DOCK4: variants seen among roughly 807,000 people sequenced by gnomAD.
DOCK4 encodes the protein dedicator of cytokinesis protein 4.
Under a neutral mutation model 268.1 loss-of-function variants are expected in DOCK4, and 97 were observed. The observed-to-expected ratio is 0.36, with a 90% confidence interval of 0.31 to 0.43. The LOEUF is 0.43. DOCK4 is among the 20% of genes least tolerant of loss of function. The probability of loss-of-function intolerance (pLI) is 1.00; values close to 1 mark genes in which losing one functional copy is unlikely to be tolerated. For missense variants in DOCK4, 2,145 were observed against 2,455.7 expected (o/e 0.87, Z 2.67); for synonymous variants, 954 against 887.2 (o/e 1.08, Z -1.34).
chr7:111,808,776 G>A (rs778249854), intron 30 of DOCK4, 45 bp downstream of exon 30: 2 of 1,588,782 alleles, frequency 1.3e-6, no homozygotes, highest in South Asian at 1.1e-5. Flanking sequence ...TCAAGGTACA[G>A]CGAGGAGCTG....
chr7:112,204,875 A>G lies in DOCK4; in HGVS notation c.37+1227T>C, dbSNP rs1821245427. 3.8e-5 allele frequency among the ~76,000 whole-genome samples: 4 copies of G among 104,728 alleles called. No homozygotes were observed. In the South Asian group the frequency reaches 1.4e-3, roughly 37 times the overall value. 68.7% of individuals were successfully genotyped at this position (104,728 alleles called of 152,430 possible). On this transcript the variant is annotated intron_variant, in intron 1 of 52. Transcript: ENST00000428084. ...ACCTAAATCACTAGACCTGTCCTCA[A>G]TTTTAAAACACACACACACACACAC... is the stretch of plus-strand genomic sequence containing the variant.
At chr7:112,017,239 T>A (rs1801888707) in intron 1 of DOCK4, among the ~76,000 whole-genome samples, 1 of 152,184 alleles carries the variant, frequency 6.6e-6, no homozygotes, top group Admixed American at 6.5e-5. Flanking sequence ...CTTAACTGAT[T>A]TTAACTATTA....
intron 8 of DOCK4, among the ~76,000 whole-genome samples, chr7:111,961,100 T>C (rs1456395384): frequency 6.6e-6 from 1 of 152,100 alleles, no homozygotes; most frequent in South Asian, 2.1e-4. Context: ...CTTGCCTTCC[T>C]CCTACAACTC....
At chr7:111,924,913 T>C (rs946566656) in intron 12 of DOCK4, among the ~76,000 whole-genome samples, 13 of 152,224 alleles carry the variant, frequency 8.5e-5, no homozygotes, top group Non-Finnish European at 1.8e-4. Flanking sequence ...AGTACTTGCA[T>C]ACTTTGTATG....
intron 1 of DOCK4, among the ~76,000 whole-genome samples, chr7:112,058,053 TAGTAGAG>T (rs1806006937): frequency 1.5e-5 from 2 of 136,696 alleles, no homozygotes; most frequent in African/African-American, 5.4e-5. Context: ...TTTTTTTTAC[TAGTAGAG>T]TTTCACTAAT....
rs933272447 is a variant in DOCK4 at position 112,017,991 on chromosome 7, C to T, written c.38-13860G>A. Among the ~76,000 whole-genome samples, 17 of 151,726 alleles carry T rather than the reference C, an allele frequency of 1.1e-4. No individual in the cohort carries two copies. The East Asian group carries it at 2.9e-3, about 26-fold the overall frequency. On this transcript the variant is annotated intron_variant, in intron 1 of 52. Coordinates refer to ENST00000428084, the MANE Select transcript of DOCK4 (RefSeq NM_001363540.2). ...CACGAGGTCAGGAGAGCGAGACCAT[C>T]CTGGCTAACACGGTGAAACCCCGTC...
intron 8 of DOCK4, among the ~76,000 whole-genome samples, chr7:111,957,987 G>A (rs970769990): frequency 6.6e-6 from 1 of 152,266 alleles, no homozygotes; most frequent in South Asian, 2.1e-4. Context: ...AGGGCTGAGA[G>A]CACAGTTCTT....
chr7:111,795,129 T>C (rs1171832316), intron 30 of DOCK4, among the ~76,000 whole-genome samples: 1 of 152,148 alleles, frequency 6.6e-6, no homozygotes, highest in Non-Finnish European at 1.5e-5. Flanking sequence ...GTCCTCACTC[T>C]ACTGCCCCAG....
At chr7:111,748,839 AC>A (rs2133493625) in intron 42 of DOCK4, among the ~76,000 whole-genome samples, 1 of 152,306 alleles carries the variant, frequency 6.6e-6, no homozygotes, top group Non-Finnish European at 1.5e-5. Context: ...ATGTCCATTG[AC>A]AAGAGAATAA....
chr7:111,771,452 G>T (rs139251484), intron 36 of DOCK4, among the ~76,000 whole-genome samples: 4 of 152,188 alleles, frequency 2.6e-5, no homozygotes, highest in Non-Finnish European at 4.4e-5. Context: ...TTCTTAATGG[G>T]ATTGAACGTG....
chr7:111,728,863 G>A, intron 52 of DOCK4, 143 bp from the exon 53 acceptor site: 3 of 736,594 alleles, frequency 4.1e-6, no homozygotes, highest in Non-Finnish European at 6.5e-6. Context: ...CCTTTAAGGA[G>A]GTGATTAAGG....
At chr7:111,875,999 G>A (rs1806831652) in intron 17 of DOCK4, among the ~76,000 whole-genome samples, 1 of 152,098 alleles carries the variant, frequency 6.6e-6, no homozygotes, top group South Asian at 2.1e-4. Flanking sequence ...AAAAATTTCT[G>A]TTTAAGGATC....
In DOCK4 at chr7:112,206,164, G is replaced by T; in HGVS notation, c.-26C>A. On this transcript the variant is annotated 5_prime_UTR_variant, in exon 1 of 53. In the 5' UTR this introduces an upstream ATG that the reference lacks. Coordinates refer to ENST00000428084, the MANE Select transcript of DOCK4 (RefSeq NM_001363540.2). ...GGCTAAAGGGGCTCCGGGGTCTTCA[G>T]GCTTTGTAATCCCCGCGCCCCTTCT... 6.4e-7 allele frequency: 1 copy of T among 1,568,130 alleles called. No individual in the cohort carries two copies. The highest frequency in any genetic ancestry group is 1.2e-5 in the South Asian group (1 of 85,426).
intron 36 of DOCK4, among the ~76,000 whole-genome samples, chr7:111,770,580 C>T (rs183753992): frequency 3.2e-4 from 48 of 152,208 alleles, no homozygotes; most frequent in African/African-American, 1.2e-3. Flanking sequence ...CTCTCCTTTT[C>T]CTGAATTGTA....
At chr7:111,806,072 C>T (rs1418123260) in intron 30 of DOCK4, among the ~76,000 whole-genome samples, 4 of 151,960 alleles carry the variant, frequency 2.6e-5, no homozygotes, top group African/African-American at 9.7e-5. Context: ...TTTCTTATGT[C>T]CTCCAAAATA....
chr7:111,863,003 A>T (rs1805676370), intron 23 of DOCK4: 1 of 225,016 alleles, frequency 4.4e-6, no homozygotes, highest in Non-Finnish European at 8.9e-6. Context: ...TCTTGGGGTA[A>T]AGTAAAAAAC....
At chr7:112,107,371 T>C (rs982633748) in intron 1 of DOCK4, among the ~76,000 whole-genome samples, 2 of 152,114 alleles carry the variant, frequency 1.3e-5, no homozygotes, top group African/African-American at 2.4e-5. Flanking sequence ...GGTGTCCTTC[T>C]AAGAAGAGGA....
chr7:112,070,189 T>C (rs910927555), intron 1 of DOCK4, among the ~76,000 whole-genome samples: 1 of 152,138 alleles, frequency 6.6e-6, no homozygotes, highest in Admixed American at 6.6e-5. Flanking sequence ...CAAATGAATA[T>C]AATGACAACA....
chr7:111,735,972 A>C (rs1026714310), intron 50 of DOCK4, among the ~76,000 whole-genome samples: 1 of 152,144 alleles, frequency 6.6e-6, no homozygotes, highest in African/African-American at 2.4e-5. Flanking sequence ...ATTCTTTTAA[A>C]TTTGCATCGT....
Sources: allele counts gnomAD v4.1 joint callset (sites outside exome capture counted in the v4.1 genomes callset), GRCh38; gene constraint gnomAD v4.1.1; transcripts MANE v1.5; gene names NCBI Gene and HGNC (gene_info 2026-07-23, HGNC 2026-07-21).